The following PITPNC1 variants were observed in gnomAD, a reference collection of about 807,000 sequenced individuals.
PITPNC1 encodes phosphatidylinositol transfer protein cytoplasmic 1.
In PITPNC1, 18 loss-of-function variants were observed where a neutral mutation model predicts 44.7. That is an observed-to-expected ratio of 0.40 (90% CI 0.28 to 0.60). The LOEUF is 0.60. Ranked by LOEUF, PITPNC1 falls within the 20% of genes least tolerant of loss-of-function variation. PITPNC1 has a pLI of 0.39. For missense variants in PITPNC1, 290 were observed against 418.4 expected, an observed-to-expected ratio of 0.69 and a Z score of 2.68; for synonymous variants, 141 against 149.6, an observed-to-expected ratio of 0.94 and a Z score of 0.42.
intron 8 of PITPNC1, among the ~76,000 whole-genome samples, chr17:67,677,482 G>C (rs1352737682): frequency 6.6e-6 from 1 of 152,094 alleles, no homozygotes; most frequent in Non-Finnish European, 1.5e-5. Flanking sequence ...AGTGTGGGTG[G>C]GTATCTAGTA....
intron 7 of PITPNC1, among the ~76,000 whole-genome samples, chr17:67,672,344 C>T (rs2042528894): frequency 6.6e-6 from 1 of 151,678 alleles, no homozygotes; most frequent in African/African-American, 2.4e-5. Context: ...ACCTGTAATC[C>T]CAGCACTTTG....
At chr17:67,609,383 G>A (rs1160586372) in intron 5 of PITPNC1, among the ~76,000 whole-genome samples, 2 of 150,652 alleles carry the variant, frequency 1.3e-5, no homozygotes, top group African/African-American at 2.4e-5. Context: ...TCTGCCTCCC[G>A]GGTTCAAGTG....
At chr17:67,551,427 G>A (rs1242020645) in intron 2 of PITPNC1, among the ~76,000 whole-genome samples, 1 of 152,146 alleles carries the variant, frequency 6.6e-6, no homozygotes, top group Admixed American at 6.5e-5. Flanking sequence ...TTTTCTTCTG[G>A]GGAAACTGAG....
chr17:67,680,232 A>G (rs1402579636), intron 8 of PITPNC1, among the ~76,000 whole-genome samples: 2 of 152,160 alleles, frequency 1.3e-5, no homozygotes, highest in Non-Finnish European at 2.9e-5. Flanking sequence ...ATAACTTTCC[A>G]TCAGATTTTC....
intron 1 of PITPNC1, among the ~76,000 whole-genome samples, chr17:67,398,476 CT>C (rs2038255665): frequency 6.6e-6 from 1 of 151,172 alleles, no homozygotes; most frequent in South Asian, 2.1e-4. Flanking sequence ...ATTGGTTCAA[CT>C]TTCTAGGCAT....
At chr17:67,690,440 C>T (rs1210036535) in intron 8 of PITPNC1, among the ~76,000 whole-genome samples, 1 of 123,478 alleles carries the variant, frequency 8.1e-6, no homozygotes, top group Non-Finnish European at 1.7e-5. Flanking sequence ...AAGAGCAAAA[C>T]TCTGTCTCAA....
rs1214920409 is a variant in PITPNC1, at chr17:67,575,731, G to A, written c.295-2455G>A. The stretch of plus-strand genomic sequence containing the variant: ...CAGATTGCTGAACCCCACCTCCAGA[G>A]TTTCTGATTTAGTTGGTCTGCTGAA... On this transcript the variant is annotated intron_variant, in intron 4 of 8. Transcript: ENST00000581322. 2.0e-5 allele frequency among the ~76,000 whole-genome samples: 3 copies of A among 152,026 alleles called. No individual in the cohort carries two copies. In the South Asian group the frequency reaches 6.2e-4, roughly 31 times the overall value.
intron 1 of PITPNC1, among the ~76,000 whole-genome samples, chr17:67,439,782 C>T (rs917656409): frequency 3.9e-5 from 6 of 152,014 alleles, no homozygotes; most frequent in Admixed American, 3.3e-4. Context: ...AATGTGTTCA[C>T]GGATTGTGTG....
intron 1 of PITPNC1, among the ~76,000 whole-genome samples, chr17:67,403,270 A>G (rs2038349922): frequency 6.8e-6 from 1 of 146,568 alleles, no homozygotes; most frequent in Non-Finnish European, 1.5e-5. Context: ...TGTTGCAGAA[A>G]CCAGTAGGTA....
Position 67,417,319 on chromosome 17 carries a change from A to T in PITPNC1, c.48+39117A>T, listed in dbSNP as rs117502749. Among the ~76,000 whole-genome samples the T allele has an allele frequency of 5.4e-3, 818 of 151,732 alleles. 8 individuals carry two copies. Among genetic ancestry groups the T allele is most frequent in the South Asian group, 0.031 (147 of 4,806 alleles). ...ATTTTTTACATTGTTTTGTAGAGAC[A>T]GGTCTTGCTATGTTTGCCCAGGCTG... is the stretch of plus-strand genomic sequence containing the variant. On this transcript the variant is annotated intron_variant, in intron 1 of 8. Transcript: ENST00000581322.
chr17:67,441,444 C>G (rs542660641), intron 1 of PITPNC1, among the ~76,000 whole-genome samples: 3 of 152,116 alleles, frequency 2.0e-5, no homozygotes, highest in African/African-American at 7.2e-5. Flanking sequence ...ATGTACATAT[C>G]GTGTGAGACG....
intron 1 of PITPNC1, among the ~76,000 whole-genome samples, chr17:67,485,646 CA>C (rs2039768467): frequency 1.3e-5 from 2 of 152,068 alleles, no homozygotes; most frequent in South Asian, 4.2e-4. Flanking sequence ...CGCACCCGGC[CA>C]ATTAGTTAGA....
chr17:67,618,236 A>T (rs2041785081), intron 5 of PITPNC1, among the ~76,000 whole-genome samples: 1 of 151,698 alleles, frequency 6.6e-6, no homozygotes, highest in Non-Finnish European at 1.5e-5. Flanking sequence ...GTGATGGTGC[A>T]CACCTGTAAT....
chr17:67,481,995 T>C (rs1795961691), intron 1 of PITPNC1, among the ~76,000 whole-genome samples: 1 of 152,236 alleles, frequency 6.6e-6, no homozygotes, highest in African/African-American at 2.4e-5. Flanking sequence ...CCAGGATTAC[T>C]TGTACTTTTG....
chr17:67,688,170 C>T (rs2042852337), intron 8 of PITPNC1, among the ~76,000 whole-genome samples: 2 of 151,158 alleles, frequency 1.3e-5, no homozygotes, highest in African/African-American at 4.9e-5. Context: ...GAAACCTCGT[C>T]TCTACTTAAA....
intron 6 of PITPNC1, among the ~76,000 whole-genome samples, chr17:67,644,889 G>A (rs970470796): frequency 1.6e-4 from 25 of 152,112 alleles, no homozygotes; most frequent in Admixed American, 3.3e-4. Flanking sequence ...CACCCAGGGA[G>A]GTTTTGAAAA....
rs1347199654 is a variant in PITPNC1 at position 67,590,963 on chromosome 17, A to AAAAG, written c.366+12725_366+12728dup. ...AGCGAAACTCTGTCTCAAAAAAAAA[A>AAAAG]AAAGAAAGAAAGAAAGAAAGAATTT... is the stretch of plus-strand genomic sequence containing the variant. On this transcript the variant is annotated intron_variant, in intron 5 of 8. Coordinates refer to ENST00000581322, the MANE Select transcript of PITPNC1 (RefSeq NM_012417.4). Among the ~76,000 whole-genome samples the AAAAG allele has an allele frequency of 2.1e-3, 312 of 151,880 alleles. 2 individuals are homozygous for AAAAG. Among genetic ancestry groups the AAAAG allele is most frequent in the African/African-American group, 6.4e-3 (263 of 41,304 alleles).
chr17:67,516,128 C>T (rs1217250918), intron 1 of PITPNC1, among the ~76,000 whole-genome samples: 5 of 152,184 alleles, frequency 3.3e-5, no homozygotes, highest in South Asian at 2.1e-4. Flanking sequence ...TGGCTCTGCT[C>T]TCTCATCTCT....
At chr17:67,524,090 G>A (rs2040364984) in intron 1 of PITPNC1, among the ~76,000 whole-genome samples, 1 of 152,102 alleles carries the variant, frequency 6.6e-6, no homozygotes, top group Non-Finnish European at 1.5e-5. Flanking sequence ...GATTGCAGGC[G>A]TGAGCCACTG....
Sources: gnomAD v4.1 joint callset for allele counts (sites outside exome capture counted in the v4.1 genomes callset) on GRCh38, gnomAD v4.1.1 for gene constraint, MANE v1.5 for transcripts, NCBI Gene and HGNC (gene_info 2026-07-23, HGNC 2026-07-21) for gene names.